Variants in LMO7 observed in about 807,000 individuals in gnomAD.
LMO7 encodes the protein LIM domain only protein 7.
Under a neutral mutation model 206.5 loss-of-function variants are expected in LMO7, and 120 were observed. That is an observed-to-expected ratio of 0.58 (90% CI 0.50 to 0.68). The LOEUF (loss-of-function observed/expected upper bound fraction) is 0.68. LMO7 is among the 30% of genes least tolerant of loss of function. LMO7 has a pLI of 0.00. For missense variants in LMO7, 1,959 were observed against 1,957.9 expected, an observed-to-expected ratio of 1.00 and a Z score of -0.01; for synonymous variants, 706 against 681.5, an observed-to-expected ratio of 1.04 and a Z score of -0.56.
Position 75,737,790 on chromosome 13 carries a change from A to AT in LMO7, c.210+10692_210+10693insT, listed in dbSNP as rs1446575353. ...AATAAAATAAAATAAAATAAAAAAAAAAAAAAAAAAACTTTTTACTTTGAA... is the reference window on the plus strand; with the variant it reads ...AATAAAATAAAATAAAATAAAAAAAATAAAAAAAAAAACTTTTTACTTTGAA... On this transcript the variant is annotated intron_variant, in intron 3 of 30. Coordinates refer to ENST00000377534, the MANE Select transcript of LMO7 (RefSeq NM_001306080.2). Among the ~76,000 whole-genome samples, 271 of 129,486 alleles carry AT rather than the reference A, an allele frequency of 2.1e-3. 12 individuals are homozygous for AT. The highest frequency in any genetic ancestry group is 3.6e-3 in the Non-Finnish European group (222 of 62,142). The allele number at this position is 129,486 out of a possible 152,430, so 84.9% of individuals were successfully genotyped here.
intron 3 of LMO7, among the ~76,000 whole-genome samples, chr13:75,727,411 T>C (rs1005460652): frequency 3.9e-5 from 6 of 151,980 alleles, no homozygotes; most frequent in African/African-American, 1.4e-4. Context: ...ATTGCTAATT[T>C]TAAAAATGAA....
chr13:75,802,829 A>G (rs2054935471), intron 7 of LMO7, among the ~76,000 whole-genome samples: 1 of 152,158 alleles, frequency 6.6e-6, no homozygotes, highest in Non-Finnish European at 1.5e-5. Flanking sequence ...GTAGTCCTAA[A>G]TTGATGAGCA....
At chr13:75,788,473 A>AT (rs2052769108) in intron 4 of LMO7, among the ~76,000 whole-genome samples, 1 of 150,166 alleles carries the variant, frequency 6.7e-6, no homozygotes, top group Non-Finnish European at 1.5e-5. Context: ...AAAAAAAAAA[A>AT]GCCACTGCTC....
intron 1 of LMO7, among the ~76,000 whole-genome samples, chr13:75,650,480 C>T (rs1471024009): frequency 1.3e-5 from 2 of 152,018 alleles, no homozygotes; most frequent in African/African-American, 4.8e-5. Flanking sequence ...GATCCTTGTG[C>T]TCATGTTTGC....
intron 3 of LMO7, among the ~76,000 whole-genome samples, chr13:75,730,767 G>A (rs1431090300): frequency 7.7e-6 from 1 of 129,818 alleles, no homozygotes; most frequent in Non-Finnish European, 1.6e-5. Context: ...TGGGCATTTA[G>A]TGCTATAAAT....
chr13:75,678,990 C>A (rs539310496), intron 1 of LMO7, among the ~76,000 whole-genome samples: 2 of 152,278 alleles, frequency 1.3e-5, no homozygotes, highest in South Asian at 2.1e-4. Flanking sequence ...TTGTGCTCAG[C>A]GTCTCCAGTG....
chr13:75,819,232 G>C, intron 12 of LMO7, 161 bp from the exon 13 acceptor site: 1 of 659,032 alleles, frequency 1.5e-6, no homozygotes, highest in Non-Finnish European at 2.4e-6. Flanking sequence ...TAAAGGCTTG[G>C]TACAGAAACG....
intron 4 of LMO7, among the ~76,000 whole-genome samples, chr13:75,786,171 G>T (rs547929118): frequency 1.3e-5 from 2 of 152,018 alleles, no homozygotes; most frequent in Admixed American, 1.3e-4. Context: ...TTGTCATATG[G>T]GTTAAAGGAC....
chr13:75,684,943 T>A (rs979955229), intron 1 of LMO7, among the ~76,000 whole-genome samples: 1 of 152,178 alleles, frequency 6.6e-6, no homozygotes, highest in African/African-American at 2.4e-5. Context: ...ATGCCAGCTG[T>A]TAGATAATTG....
intron 1 of LMO7, among the ~76,000 whole-genome samples, chr13:75,665,531 A>AT (rs35856612): frequency 0.52 from 76,428 of 147,980 alleles, 19,710 homozygotes; most frequent in Admixed American, 0.62. Context: ...CCTAGTCTAC[A>AT]TTTTTTTTTT....
At chr13:75,841,013 G>A (rs891903591) in intron 22 of LMO7, 96 bp from the exon 23 acceptor site, 2 of 736,032 alleles carry the variant, frequency 2.7e-6, no homozygotes, top group Admixed American at 2.9e-5. Context: ...AAAGGTTTGA[G>A]GTTGAAGGTT....
chr13:75,652,459 A>C (rs2037672294), intron 1 of LMO7, among the ~76,000 whole-genome samples: 1 of 151,998 alleles, frequency 6.6e-6, no homozygotes, highest in South Asian at 2.1e-4. Context: ...TCTACTTTCC[A>C]TCTTCCAAAA....
chr13:75,680,714 T>C (rs530145002), intron 1 of LMO7, among the ~76,000 whole-genome samples: 1 of 152,140 alleles, frequency 6.6e-6, no homozygotes, highest in South Asian at 2.1e-4. Flanking sequence ...ATGCTATCCC[T>C]CCCCTATCCC....
intron 1 of LMO7, among the ~76,000 whole-genome samples, chr13:75,680,348 G>T (rs1373449292): frequency 6.6e-6 from 1 of 152,150 alleles, no homozygotes; most frequent in Non-Finnish European, 1.5e-5. Context: ...AAACAGTGCT[G>T]CAGTGAACAT....
chr13:75,839,012 C>T (rs973444069), intron 20 of LMO7, among the ~76,000 whole-genome samples: 3 of 152,166 alleles, frequency 2.0e-5, no homozygotes, highest in East Asian at 1.9e-4. Context: ...CGTTTACAAA[C>T]GTGCCTTATA....
At chr13:75,796,984 A>C (rs1328430189) in intron 6 of LMO7, among the ~76,000 whole-genome samples, 3 of 152,170 alleles carry the variant, frequency 2.0e-5, no homozygotes, top group African/African-American at 7.2e-5. Flanking sequence ...AAGGTAGAGA[A>C]ACTTGCTTAC....
At chr13:75,830,916 T>C (rs1233264218) in intron 15 of LMO7, among the ~76,000 whole-genome samples, 1 of 152,202 alleles carries the variant, frequency 6.6e-6, no homozygotes, top group Non-Finnish European at 1.5e-5. Flanking sequence ...GTTTTGAATA[T>C]GTAACCCATG....
At chr13:75,796,272 G>C (rs1177058272) in intron 5 of LMO7, among the ~76,000 whole-genome samples, 1 of 152,196 alleles carries the variant, frequency 6.6e-6, no homozygotes, top group South Asian at 2.1e-4. Context: ...AGGAAGCTGA[G>C]AATTATTGAT....
chr13:75,700,417 A>G (rs1324550477), intron 1 of LMO7, among the ~76,000 whole-genome samples: 1 of 152,270 alleles, frequency 6.6e-6, no homozygotes, highest in East Asian at 1.9e-4. Context: ...ATAAATGTAC[A>G]TGAAATCTTC....
Sources: allele counts gnomAD v4.1 joint callset (sites outside exome capture counted in the v4.1 genomes callset), GRCh38; gene constraint gnomAD v4.1.1; transcripts MANE v1.5; gene names NCBI Gene and HGNC (gene_info 2026-07-23, HGNC 2026-07-21).